The following TBC1D12 variants were observed in gnomAD, a reference collection of about 807,000 sequenced individuals.
TBC1D12 encodes TBC1 domain family, member 12.
Under a neutral mutation model 86.7 loss-of-function variants are expected in TBC1D12, and 56 were observed. The observed-to-expected ratio is 0.65, with a 90% confidence interval of 0.52 to 0.81. The LOEUF (loss-of-function observed/expected upper bound fraction) is 0.81. TBC1D12 is among the 30% of genes least tolerant of loss of function. TBC1D12 has a pLI of 0.00. For missense variants in TBC1D12, 1,023 were observed against 1,038.8 expected (o/e 0.98, Z 0.21); for synonymous variants, 421 against 411.7 (o/e 1.02, Z -0.27).
rs550785348 is a variant in TBC1D12 at position 94,440,343 on chromosome 10, T to A, written c.972-1553T>A. On this transcript the variant is annotated intron_variant, in intron 1 of 12. Coordinates refer to ENST00000225235, the MANE Select transcript of TBC1D12 (RefSeq NM_015188.2). ...CACCACCATGCCTGGCTATTTTTTT[T>A]AATTTTTATTTTTTGTAGAAACAGG... Among the ~76,000 whole-genome samples the A allele has an allele frequency of 5.7e-3, 865 of 152,166 alleles. 3 individuals carry two copies. Among genetic ancestry groups the A allele is most frequent in the Non-Finnish European group, 9.1e-3 (618 of 67,994 alleles).
Position 94,480,215 on chromosome 10 carries a change from A to G in TBC1D12, c.1211+5432A>G, listed in dbSNP as rs1195104347. Among the ~76,000 whole-genome samples the G allele has an allele frequency of 4.6e-5, 7 of 152,302 alleles. No individual in the cohort carries two copies. In the East Asian group the frequency reaches 1.4e-3, roughly 29 times the overall value. ...AAAAGGCTGTAAGCCCCTTTGGGGA[A>G]GGCTGGGAGAAAGATTAATAGTATA... On this transcript the variant is annotated intron_variant, in intron 3 of 12. Transcript: ENST00000225235.
At chr10:94,463,566 G>A (rs375621936) in intron 2 of TBC1D12, among the ~76,000 whole-genome samples, 4 of 152,274 alleles carry the variant, frequency 2.6e-5, no homozygotes, top group Admixed American at 2.6e-4. Flanking sequence ...CCCCACCCCT[G>A]CCCAGTACTA....
chr10:94,455,093 G>A (rs1343790529), intron 2 of TBC1D12, among the ~76,000 whole-genome samples: 1 of 152,042 alleles, frequency 6.6e-6, no homozygotes. Context: ...CATGAATGGT[G>A]TTGGATGTTG....
Position 94,500,214 on chromosome 10 carries a change from A to C in TBC1D12, c.1413-7A>C. On this transcript the variant is annotated splice_region_variant and splice_polypyrimidine_tract_variant and intron_variant, in intron 5 of 12. Transcript: ENST00000225235. The stretch of plus-strand genomic sequence containing the variant: ...CTTTCTCCTTTTTTCTCCTCCTTTA[A>C]TTCTAGGCGTAGTACAAGAAGAGTT... The C allele has an allele frequency of 6.2e-7, 1 of 1,610,536 alleles. No individual in the cohort carries two copies. Among genetic ancestry groups the C allele is most frequent in the Non-Finnish European group, 8.5e-7 (1 of 1,178,868 alleles).
chr10:94,427,153 T>C (rs1177159599), intron 1 of TBC1D12, among the ~76,000 whole-genome samples: 1 of 152,222 alleles, frequency 6.6e-6, no homozygotes, highest in East Asian at 1.9e-4. Context: ...AATGGAAAGG[T>C]ATTTACACAT....
intron 2 of TBC1D12, among the ~76,000 whole-genome samples, chr10:94,451,543 T>C (rs1564952791): frequency 6.6e-6 from 1 of 152,146 alleles, no homozygotes; most frequent in Non-Finnish European, 1.5e-5. Context: ...AAATCTGCTG[T>C]ATCACTTTTT....
At chr10:94,418,166 A>G (rs182267022) in intron 1 of TBC1D12, among the ~76,000 whole-genome samples, 1 of 152,332 alleles carries the variant, frequency 6.6e-6, no homozygotes, top group African/African-American at 2.4e-5. Context: ...TAATAAAACC[A>G]GAAACTTGGG....
chr10:94,427,315 A>G (rs2055160090), intron 1 of TBC1D12, among the ~76,000 whole-genome samples: 1 of 152,084 alleles, frequency 6.6e-6, no homozygotes. Flanking sequence ...TGCTTATCCT[A>G]AAAGTTCTTT....
At chr10:94,406,759 G>A (rs964635046) in intron 1 of TBC1D12, among the ~76,000 whole-genome samples, 2 of 152,248 alleles carry the variant, frequency 1.3e-5, no homozygotes, top group African/African-American at 2.4e-5. Flanking sequence ...CTCTTTGGAA[G>A]TGGCTTGTTT....
intron 3 of TBC1D12, among the ~76,000 whole-genome samples, chr10:94,491,645 T>C (rs2134174060): frequency 6.6e-6 from 1 of 152,342 alleles, no homozygotes; most frequent in East Asian, 1.9e-4. Context: ...AGTAGCATGA[T>C]GAAATCTCAC....
At chr10:94,511,225 G>A in intron 8 of TBC1D12, among the ~76,000 whole-genome samples, 1 of 150,420 alleles carries the variant, frequency 6.6e-6, no homozygotes, top group South Asian at 2.1e-4. Context: ...AGCCACCCGA[G>A]TAGCTGGAAT....
intron 11 of TBC1D12, among the ~76,000 whole-genome samples, chr10:94,528,520 C>T (rs1842351703): frequency 6.6e-6 from 1 of 152,076 alleles, no homozygotes; most frequent in African/African-American, 2.4e-5. Flanking sequence ...GATCTTAAGA[C>T]AGGTTGTTGT....
rs2056330387 is a variant in TBC1D12, at chr10:94,497,100, T to A, written c.1340T>A (p.Phe447Tyr). The change falls in exon 5 of 13, where the codon TTT becomes TAT. Residue 447 changes from phenylalanine (F) to tyrosine (Y), a missense_variant. Phe to Tyr is a conservative substitution (Grantham distance 22, BLOSUM62 3). This residue lies in a region of TBC1D12 where 395 missense variants were observed against 507.7 expected (regional missense o/e 0.78). Transcript: ENST00000225235. ...AGAAAAAGAATCATGAAAGAACGAT[T>A]TAAGCAGGAAGAAAATATTGCAAGT... ...HKRKRIMKER[F>Y]KQEENIASAM... 2 of 1,567,220 alleles carry A rather than the reference T, an allele frequency of 1.3e-6. No homozygotes were observed. Among genetic ancestry groups the A allele is most frequent in the Non-Finnish European group, 1.7e-6 (2 of 1,164,112 alleles).
intron 11 of TBC1D12, among the ~76,000 whole-genome samples, chr10:94,530,752 C>T (rs2134237728): frequency 6.6e-6 from 1 of 152,052 alleles, no homozygotes; most frequent in Non-Finnish European, 1.5e-5. Context: ...TGTTCTACCA[C>T]TCTAGTATAT....
At chr10:94,439,676 G>C (rs1030420654) in intron 1 of TBC1D12, among the ~76,000 whole-genome samples, 4 of 152,118 alleles carry the variant, frequency 2.6e-5, no homozygotes, top group African/African-American at 9.7e-5. Flanking sequence ...TGTCCCTTTG[G>C]TGCCCTCTAC....
chr10:94,412,267 A>G (rs541047286), intron 1 of TBC1D12, among the ~76,000 whole-genome samples: 1 of 152,326 alleles, frequency 6.6e-6, no homozygotes, highest in South Asian at 2.1e-4. Flanking sequence ...TTCAAATGTT[A>G]TTATTCAGAC....
At chr10:94,428,239 G>A (rs2055171960) in intron 1 of TBC1D12, among the ~76,000 whole-genome samples, 1 of 151,544 alleles carries the variant, frequency 6.6e-6, no homozygotes, top group Admixed American at 6.6e-5. Flanking sequence ...TTGAATCCTA[G>A]GAGAATTTGA....
chr10:94,458,451 A>G (rs1284772765), intron 2 of TBC1D12, among the ~76,000 whole-genome samples: 3 of 152,234 alleles, frequency 2.0e-5, no homozygotes, highest in Non-Finnish European at 4.4e-5. Context: ...GCAACAGAAA[A>G]TAGACTAAGA....
intron 2 of TBC1D12, among the ~76,000 whole-genome samples, chr10:94,463,172 C>G (rs1266195094): frequency 6.6e-6 from 1 of 152,018 alleles, no homozygotes; most frequent in Non-Finnish European, 1.5e-5. Context: ...TTTAAAATAT[C>G]TTGGGATTTT....
Sources: gnomAD v4.1 joint callset for allele counts (sites outside exome capture counted in the v4.1 genomes callset) on GRCh38, gnomAD v4.1.1 for gene constraint, gnomAD v4.1.1 regional missense constraint, MANE v1.5 for transcripts, NCBI Gene and HGNC (gene_info 2026-07-23, HGNC 2026-07-21) for gene names.